Variants in PRRX2 observed in about 807,000 individuals in gnomAD.
PRRX2 encodes the protein paired related homeobox 2, also known as paired mesoderm homeobox protein 2.
A neutral mutation model predicts 18.0 loss-of-function variants in PRRX2; 11 were observed. The ratio of observed to expected loss-of-function variants is 0.61; its 90% CI spans 0.39 to 1.01. The LOEUF is 1.01. Among genes scored for constraint, PRRX2 ranks in the 50% least tolerant of loss-of-function variants. The probability of loss-of-function intolerance (pLI) is 0.01; values close to 1 mark genes in which losing one functional copy is unlikely to be tolerated. For synonymous variants in PRRX2, 177 were observed against 154.8 expected (o/e 1.14, Z -1.06); for missense variants, 387 against 351.0 (o/e 1.10, Z -0.82).
chr9:129,678,130 AT>A (rs139281214), intron 1 of PRRX2, among the ~76,000 whole-genome samples: 2,610 of 151,616 alleles, frequency 0.017, 75 homozygotes, highest in African/African-American at 0.059. Flanking sequence ...TGCCTGGCAC[AT>A]TTTTGTATTT....
chr9:129,720,814 C>T (rs780318379), intron 3 of PRRX2, 40 bp downstream of exon 3: 31 of 1,493,242 alleles, frequency 2.1e-5, no homozygotes, highest in Middle Eastern at 1.8e-4. Context: ...AGGGGCAGCT[C>T]GAGGAATCCC....
chr9:129,720,788 C>T lies in PRRX2; in HGVS notation c.626+14C>T, dbSNP rs757467648. The T allele has an allele frequency of 1.9e-6, 3 of 1,544,550 alleles. No individual in the cohort carries two copies. Among genetic ancestry groups the T allele is most frequent in the East Asian group, 2.3e-5 (1 of 42,658 alleles). ...GTCCCCCTACAGGTGAGAGCGGGAA[C>T]ACCTTTGGGCCAGGAAGGGGCAGCT... is the stretch of plus-strand genomic sequence containing the variant. On this transcript the variant is annotated intron_variant, in intron 3 of 3. Transcript: ENST00000372469.
rs116237845 is a variant in PRRX2, at chr9:129,722,398, A to G, written c.*46A>G. The G allele has an allele frequency of 1.5e-3, 2,455 of 1,604,688 alleles. 39 individuals carry two copies. In the African/African-American group the frequency reaches 0.029, roughly 19 times the overall value. ...CAGACGCCTCCCTGGGTGGACAGCAATAGAAAAGGGGGCAGACGCCCAGGA... is the reference window on the plus strand; with the variant it reads ...CAGACGCCTCCCTGGGTGGACAGCAGTAGAAAAGGGGGCAGACGCCCAGGA... On this transcript the variant is annotated 3_prime_UTR_variant, in exon 4 of 4. Transcript: ENST00000372469.
Position 129,715,980 on chromosome 9 carries a change from C to T in PRRX2, c.260-3251C>T, listed in dbSNP as rs918841881. 6.6e-6 allele frequency among the ~76,000 whole-genome samples: 1 copy of T among 152,166 alleles called. No individual in the cohort carries two copies. The highest frequency in any genetic ancestry group is 2.4e-5 in the African/African-American group (1 of 41,434). ...CAAATGCCCAGTACTGTGCAAAGAA[C>T]ATCGGGTGTAAAATGGGAACATGTA... On this transcript the variant is annotated intron_variant, in intron 1 of 3. Transcript: ENST00000372469. The surrounding 1 kb of genome is among the most constrained non-coding windows in gnomAD (Gnocchi z 4.0).
intron 1 of PRRX2, among the ~76,000 whole-genome samples, chr9:129,698,679 G>A (rs941981695): frequency 2.5e-4 from 38 of 152,354 alleles, no homozygotes; most frequent in African/African-American, 8.9e-4. Flanking sequence ...GTACTGGGTG[G>A]ACGCCCCCTC....
intron 1 of PRRX2, among the ~76,000 whole-genome samples, chr9:129,674,630 G>A (rs1354496841): frequency 7.2e-5 from 11 of 152,120 alleles, no homozygotes; most frequent in Admixed American, 6.5e-5. Flanking sequence ...AGAGCTGAGC[G>A]AACACCTCAG....
chr9:129,701,930 C>G (rs1832503080), intron 1 of PRRX2, among the ~76,000 whole-genome samples: 1 of 152,016 alleles, frequency 6.6e-6, no homozygotes, highest in African/African-American at 2.4e-5. Flanking sequence ...GAAACCCCAT[C>G]CATACTAAAA....
chr9:129,668,542 C>G (rs1832056570), intron 1 of PRRX2, among the ~76,000 whole-genome samples: 1 of 152,032 alleles, frequency 6.6e-6, no homozygotes, highest in South Asian at 2.1e-4. Flanking sequence ...CTTTGGGAGG[C>G]TGAGGTGGTT....
At chr9:129,693,756 G>C (rs1417193100) in intron 1 of PRRX2, among the ~76,000 whole-genome samples, 1 of 152,232 alleles carries the variant, frequency 6.6e-6, no homozygotes, top group Admixed American at 6.5e-5. Flanking sequence ...CCAAGGCCTT[G>C]GAAGAGGGAC....
chr9:129,692,467 G>T (rs72770228), intron 1 of PRRX2, among the ~76,000 whole-genome samples: 27,001 of 151,786 alleles, frequency 0.18, 4,551 homozygotes, highest in African/African-American at 0.44. Context: ...ATTCTGTGGG[G>T]TTAGAGAAAT....
intron 1 of PRRX2, among the ~76,000 whole-genome samples, chr9:129,674,541 T>C (rs1832140807): frequency 2.0e-5 from 3 of 151,978 alleles, no homozygotes; most frequent in Admixed American, 2.0e-4. Flanking sequence ...TGGAGAAGAC[T>C]TGGGAGTGAG....
chr9:129,714,867 G>A (rs1055237979), intron 1 of PRRX2, among the ~76,000 whole-genome samples: 2 of 152,166 alleles, frequency 1.3e-5, no homozygotes, highest in Admixed American at 6.5e-5. Flanking sequence ...CTGCCTGAAG[G>A]GGGGTGGAAA....
chr9:129,717,479 C>T (rs960727315), intron 1 of PRRX2, among the ~76,000 whole-genome samples: 31 of 151,708 alleles, frequency 2.0e-4, no homozygotes, highest in African/African-American at 7.3e-4. Context: ...GCAGATTGCT[C>T]GAGGCCAAGA....
In PRRX2 at chr9:129,675,977, G is replaced by C. The variant is rs1832159018; in HGVS notation, c.259+9851G>C. ...AGCCCTCTAATGCTCTCAAGATGGT[G>C]CCTCAGGCAGCTGGTCCAGCCAGTG... On this transcript the variant is annotated intron_variant, in intron 1 of 3. Transcript: ENST00000372469. This position sits in a 1 kb window ranked among gnomAD's most constrained non-coding sequence, Gnocchi z 4.4. Among the ~76,000 whole-genome samples the C allele has an allele frequency of 6.6e-6, 1 of 152,208 alleles. No homozygotes were observed. The highest frequency in any genetic ancestry group is 6.5e-5 in the Admixed American group (1 of 15,276).
intron 1 of PRRX2, among the ~76,000 whole-genome samples, chr9:129,689,103 C>T (rs1832328662): frequency 6.6e-6 from 1 of 152,186 alleles, no homozygotes; most frequent in Admixed American, 6.5e-5. Flanking sequence ...CAGAGAGACA[C>T]TCCTGTGCTC....
chr9:129,705,804 G>A (rs1023257507), intron 1 of PRRX2, among the ~76,000 whole-genome samples: 6 of 151,990 alleles, frequency 3.9e-5, no homozygotes, highest in East Asian at 3.9e-4. Flanking sequence ...GGCTGGGCAC[G>A]GTGGCTCATG....
At chr9:129,672,064 C>G (rs112899444) in intron 1 of PRRX2, among the ~76,000 whole-genome samples, 5 of 152,234 alleles carry the variant, frequency 3.3e-5, no homozygotes, top group African/African-American at 1.2e-4. Flanking sequence ...TCAGGCTGGA[C>G]GCGGCAGAAC....
At chr9:129,717,709 A>AAG (rs1554725299) in intron 1 of PRRX2, among the ~76,000 whole-genome samples, 2 of 151,188 alleles carry the variant, frequency 1.3e-5, no homozygotes, top group African/African-American at 4.9e-5. Context: ...AAAAAAAAAA[A>AAG]AAAAAGAAAA....
At chr9:129,697,616 G>C (rs1832443394) in intron 1 of PRRX2, among the ~76,000 whole-genome samples, 2 of 151,770 alleles carry the variant, frequency 1.3e-5, no homozygotes, top group Non-Finnish European at 2.9e-5. Context: ...CCTGGATTTC[G>C]GACCGACCCC....
Sources: allele counts gnomAD v4.1 joint callset (sites outside exome capture counted in the v4.1 genomes callset), GRCh38; gene constraint gnomAD v4.1.1; non-coding constraint Gnocchi (gnomAD v3.1); transcripts MANE v1.5; gene names NCBI Gene and HGNC (gene_info 2026-07-23, HGNC 2026-07-21).